LRRC31: variants seen among roughly 807,000 people sequenced by gnomAD.
LRRC31 encodes leucine rich repeat containing 31.
LRRC31 carries 35 observed loss-of-function variants against 46.7 expected under a neutral mutation model. The ratio of observed to expected loss-of-function variants is 0.75; its 90% CI spans 0.57 to 0.99. The LOEUF (loss-of-function observed/expected upper bound fraction) is 0.99. LRRC31 is among the 50% of genes least tolerant of loss of function. The pLI, the probability that LRRC31 is intolerant of heterozygous loss-of-function variation, is 0.00. For missense variants in LRRC31, 613 were observed against 626.1 expected (o/e 0.98, Z 0.22); for synonymous variants, 236 against 235.1 (o/e 1.00, Z -0.03).
intron 1 of LRRC31, 32 bp from the exon 2 acceptor site, chr3:169,861,845 TTAA>T (rs1781176176): frequency 6.2e-7 from 1 of 1,605,814 alleles, no homozygotes; most frequent in Non-Finnish European, 8.5e-7. Context: ...GAATTTGCTG[TTAA>T]TGATGGATGT....
chr3:169,851,912 C>A, intron 6 of LRRC31, 126 bp from the exon 7 acceptor site: 11 of 869,440 alleles, frequency 1.3e-5, no homozygotes, highest in Non-Finnish European at 1.8e-5. Flanking sequence ...GCCCTCCCTC[C>A]TTTATACACC....
At chr3:169,865,647 GCCA>G (rs1336040010) in intron 1 of LRRC31, among the ~76,000 whole-genome samples, 1 of 152,210 alleles carries the variant, frequency 6.6e-6, no homozygotes, top group Non-Finnish European at 1.5e-5. Flanking sequence ...CAGCAAGAAA[GCCA>G]CCGTTACCGT....
Position 169,861,741 on chromosome 3 carries a change from C to T in LRRC31, c.248G>A (p.Gly83Asp), listed in dbSNP as rs1167257536. Residue 83 changes from glycine to aspartate, a missense_variant, in exon 2 of 9, where the codon GGC becomes GAC. Physicochemically the swap from Gly to Asp is moderately conservative, Grantham distance 94. Transcript: ENST00000316428. ...TAGACACTTGTTGACAGCCTTTTTG[C>T]CCAGCTTCTGCAGGAAATGCTCATT... ...EKNEHFLQKL[G>D]KKAVNKCLDL... 1.2e-6 allele frequency: 2 copies of T among 1,613,988 alleles called. No homozygotes were observed. Among genetic ancestry groups the T allele is most frequent in the East Asian group, 4.5e-5 (2 of 44,898 alleles).
chr3:169,867,254 T>TC (rs1781362047), intron 1 of LRRC31, among the ~76,000 whole-genome samples: 1 of 141,560 alleles, frequency 7.1e-6, no homozygotes, highest in Non-Finnish European at 1.5e-5. Flanking sequence ...GTCTTTTTTT[T>TC]TTTTTTTTTT....
chr3:169,847,847 G>A (rs550812400), intron 8 of LRRC31, among the ~76,000 whole-genome samples: 3 of 152,336 alleles, frequency 2.0e-5, no homozygotes, highest in South Asian at 2.1e-4. Context: ...CACGGACCGC[G>A]GAGGTGTGGA....
At chr3:169,852,165 G>C (rs1002698184) in intron 6 of LRRC31, among the ~76,000 whole-genome samples, 2 of 151,700 alleles carry the variant, frequency 1.3e-5, no homozygotes, top group Non-Finnish European at 2.9e-5. Flanking sequence ...TTGGGAGGCT[G>C]AGGCGGGTGG....
chr3:169,863,663 T>C (rs1428086688), intron 1 of LRRC31, among the ~76,000 whole-genome samples: 1 of 152,220 alleles, frequency 6.6e-6, no homozygotes, highest in South Asian at 2.1e-4. Flanking sequence ...TTATGGCACA[T>C]TGGACACAAG....
intron 5 of LRRC31, among the ~76,000 whole-genome samples, chr3:169,855,352 C>CA (rs1417931841): frequency 1.3e-5 from 2 of 152,094 alleles, no homozygotes; most frequent in Admixed American, 6.6e-5. Flanking sequence ...ACTGTGTTCA[C>CA]AAAAGACAAA....
At chr3:169,854,427 A>T (rs963127140) in intron 6 of LRRC31, among the ~76,000 whole-genome samples, 1 of 152,234 alleles carries the variant, frequency 6.6e-6, no homozygotes, top group East Asian at 1.9e-4. Flanking sequence ...CTTCATTTGT[A>T]TCTGAGTGGC....
chr3:169,856,684 T>C (rs749038593), intron 4 of LRRC31, 21 bp downstream of exon 4: 7 of 1,542,428 alleles, frequency 4.5e-6, no homozygotes, highest in Admixed American at 4.1e-5. Context: ...CTTTTTTTTT[T>C]TCTCTTCAAA....
Position 169,851,661 on chromosome 3 carries a change from T to C in LRRC31, c.1117A>G (p.Ile373Val). 6.2e-7 allele frequency: 1 copy of C among 1,614,234 alleles called. No individual in the cohort carries two copies. ...RFLPALKSLV[I>V]NNCALESETF... ...TCACTCTCCAAAGCACAGTTGTTGATAACTAATGACTTCAATGCTGGTAAA... is the reference window on the plus strand; with the variant it reads ...TCACTCTCCAAAGCACAGTTGTTGACAACTAATGACTTCAATGCTGGTAAA... The change falls in exon 7 of 9, where the codon ATC (isoleucine) becomes GTC (valine). Residue 373 changes from isoleucine to valine, a missense_variant. Coordinates refer to ENST00000316428, the MANE Select transcript of LRRC31 (RefSeq NM_024727.4).
At position 169,848,109 on chromosome 3, in the gene LRRC31, T is replaced by C. The variant is rs745318757; in HGVS notation, c.1327+11A>G. 1.1e-5 allele frequency: 17 copies of C among 1,609,444 alleles called. No homozygotes were observed. Among genetic ancestry groups the C allele is most frequent in the Non-Finnish European group, 1.4e-5 (16 of 1,176,560 alleles). Reference sequence around the variant, plus strand: ...TTTGCCAAGACCGCTTGGGAACAAGTAGATACACACCCAGGAGAGCCACAT... The same window carrying C: ...TTTGCCAAGACCGCTTGGGAACAAGCAGATACACACCCAGGAGAGCCACAT... On this transcript the variant is annotated intron_variant, in intron 8 of 8. Transcript: ENST00000316428.
intron 6 of LRRC31, among the ~76,000 whole-genome samples, chr3:169,854,417 C>G (rs76349961): frequency 6.6e-6 from 1 of 152,204 alleles, no homozygotes; most frequent in African/African-American, 2.4e-5. Context: ...TTTTCTGTAA[C>G]TTCATTTGTA....
At chr3:169,859,820 T>C (rs1781089782) in intron 3 of LRRC31, among the ~76,000 whole-genome samples, 1 of 152,182 alleles carries the variant, frequency 6.6e-6, no homozygotes. Flanking sequence ...ACAGACCCAG[T>C]GTAAGCATGT....
intron 7 of LRRC31, among the ~76,000 whole-genome samples, chr3:169,849,812 C>G (rs2108206400): frequency 6.6e-6 from 1 of 152,354 alleles, no homozygotes; most frequent in East Asian, 1.9e-4. Context: ...TCAGCATAAA[C>G]CATGTTGTCT....
chr3:169,861,070 CTTTTTTT>C (rs11337221), intron 2 of LRRC31, among the ~76,000 whole-genome samples: 2 of 124,994 alleles, frequency 1.6e-5, no homozygotes, highest in Admixed American at 8.5e-5. Flanking sequence ...TTTTCTTTTC[CTTTTTTT>C]TTTTTTTTTT....
At chr3:169,844,315 C>A (rs1780537262) in intron 8 of LRRC31, among the ~76,000 whole-genome samples, 1 of 152,096 alleles carries the variant, frequency 6.6e-6, no homozygotes, top group Non-Finnish European at 1.5e-5. Flanking sequence ...TAATTATTAT[C>A]ATTCATTATT....
At chr3:169,850,275 A>C (rs1780717505) in intron 7 of LRRC31, among the ~76,000 whole-genome samples, 1 of 152,154 alleles carries the variant, frequency 6.6e-6, no homozygotes, top group African/African-American at 2.4e-5. Context: ...TTTCGGCCTG[A>C]GTATTTGGCT....
At chr3:169,862,185 A>G (rs1315928473) in intron 1 of LRRC31, among the ~76,000 whole-genome samples, 1 of 152,132 alleles carries the variant, frequency 6.6e-6, no homozygotes, top group Non-Finnish European at 1.5e-5. Flanking sequence ...GCTAGGGAGG[A>G]AGCAGAGATA....
Sources: allele counts gnomAD v4.1 joint callset (sites outside exome capture counted in the v4.1 genomes callset), GRCh38; gene constraint gnomAD v4.1.1; transcripts MANE v1.5; gene names NCBI Gene and HGNC (gene_info 2026-07-23, HGNC 2026-07-21).